MAGEA10: variants seen among roughly 807,000 people sequenced by gnomAD.
MAGEA10 encodes melanoma-associated antigen 10.
In MAGEA10, 7 loss-of-function variants were observed where a neutral mutation model predicts 8.6. The observed-to-expected ratio is 0.82, with a 90% confidence interval of 0.46 to 1.53. The LOEUF is 1.53. MAGEA10 is among the 40% of genes most tolerant of loss of function. The pLI is 0.01. For missense variants in MAGEA10, 293 were observed against 274.0 expected, an observed-to-expected ratio of 1.07 and a Z score of -0.49; for synonymous variants, 125 against 107.4, an observed-to-expected ratio of 1.16 and a Z score of -1.02.
At position 152,133,575 on chromosome X, in the gene MAGEA10, C is replaced by G. The variant is rs888866362; in HGVS notation, c.*936G>C. The G allele has an allele frequency of 5.4e-5, 6 of 111,326 alleles. No homozygotes were observed. Among genetic ancestry groups the G allele is most frequent in the African/African-American group, 9.8e-5 (3 of 30,597 alleles). The allele number at this position is 111,326 out of a possible 1,213,427, so 9.2% of individuals were successfully genotyped here. On this transcript the variant is annotated 3_prime_UTR_variant, in exon 4 of 4. Coordinates refer to ENST00000370323, the MANE Select transcript of MAGEA10 (RefSeq NM_021048.5). ...GTTTCTTAAACTGGATAAACAGAAACGAACGTGTGACCTTAGATTCTGAAG... is the reference window on the plus strand; with the variant it reads ...GTTTCTTAAACTGGATAAACAGAAAGGAACGTGTGACCTTAGATTCTGAAG...
chrX:152,133,865 G>C lies in MAGEA10; in HGVS notation c.*646C>G, dbSNP rs1169628427. 1 of 108,815 alleles carries C rather than the reference G, an allele frequency of 9.2e-6. No homozygotes were observed. Among genetic ancestry groups the C allele is most frequent in the Non-Finnish European group, 1.9e-5 (1 of 52,547 alleles). The allele number at this position is 108,815 out of a possible 1,213,427, so 9.0% of individuals were successfully genotyped here. On this transcript the variant is annotated 3_prime_UTR_variant, in exon 4 of 4. Transcript: ENST00000370323. ...GAGAATCGCTTGAACCCAGGAGGCG[G>C]AAGTTGCAGTGAGCCGAGACTGCAC...
rs1936646463 is a variant in MAGEA10 at position 152,135,298 on chromosome X, C to T, written c.323G>A (p.Gly108Asp). ...ACTCTCCTCCTTTTGGCTGCTGGAG[C>T]CCTCATCAGATTGATCTAATGGAAG... ...ASLPLDQSDE[G>D]SSSQKEESPS... is the part of the protein sequence containing the mutation. Residue 108 changes from glycine to aspartate, a missense_variant, in exon 4 of 4, where the codon GGC becomes GAC. By Grantham distance (94) the Gly-to-Asp change is moderately conservative. Transcript: ENST00000370323. 1 of 1,210,949 alleles carries T rather than the reference C, an allele frequency of 8.3e-7. No homozygotes were observed. The highest frequency in any genetic ancestry group is 2.3e-4 in the Middle Eastern group (1 of 4,353).
In MAGEA10 at chrX:152,136,550, C is replaced by T. The variant is rs1200297658; in HGVS notation, c.-140+321G>A. On this transcript the variant is annotated intron_variant, in intron 2 of 3. Coordinates refer to ENST00000370323, the MANE Select transcript of MAGEA10 (RefSeq NM_021048.5). Reference sequence around the variant, plus strand: ...GAAGTGAGGGGAGTCCATCTACCCCCAGTTCCCCATGAATTCCCGTGGCTG... The same window carrying T: ...GAAGTGAGGGGAGTCCATCTACCCCTAGTTCCCCATGAATTCCCGTGGCTG... Among the ~76,000 whole-genome samples, 3 of 110,910 alleles carry T rather than the reference C, an allele frequency of 2.7e-5. No homozygotes were observed. The Admixed American group carries it at 2.9e-4, about 11-fold the overall frequency.
rs73241867 is a variant in MAGEA10 at position 152,136,682 on chromosome X, G to A, written c.-140+189C>T. Among the ~76,000 whole-genome samples, 732 of 110,967 alleles carry A rather than the reference G, an allele frequency of 6.6e-3. 1 individual carries two copies. Among genetic ancestry groups the A allele is most frequent in the Non-Finnish European group, 0.011 (598 of 52,829 alleles). On this transcript the variant is annotated intron_variant, in intron 2 of 3. Coordinates refer to ENST00000370323, the MANE Select transcript of MAGEA10 (RefSeq NM_021048.5). The stretch of plus-strand genomic sequence containing the variant: ...TCTGGGACCCTCCCTCTGCTGACCC[G>A]AGTGCAGCTCCCTTAGACCAACACC...
chrX:152,138,098 G>C (rs895692141), intron 1 of MAGEA10, among the ~76,000 whole-genome samples: 3 of 110,466 alleles, frequency 2.7e-5, no homozygotes, highest in Non-Finnish European at 3.8e-5. Flanking sequence ...CGCATTCTTG[G>C]TACCAATATC....
At position 152,134,960 on chromosome X, in the gene MAGEA10, T is replaced by C; in HGVS notation, c.661A>G (p.Met221Val). ...YDGMLSDVQS[M>V]PKTGILILIL... ...AGTATGAGAATGCCAGTCTTGGGCA[T>C]GCTCTGGACATCACTCAGCATCCCA... The change falls in exon 4 of 4, where the codon ATG becomes GTG. Residue 221 changes from methionine (M) to valine (V), a missense_variant. Physicochemically the swap from Met to Val is conservative, Grantham distance 21. Transcript: ENST00000370323. 1 of 1,211,488 alleles carries C rather than the reference T, an allele frequency of 8.3e-7. No individual in the cohort carries two copies. Among genetic ancestry groups the C allele is most frequent in the Non-Finnish European group, 1.1e-6 (1 of 895,415 alleles).
At chrX:152,138,285 C>T (rs1936723668) in intron 1 of MAGEA10, among the ~76,000 whole-genome samples, 190 bp downstream of exon 1, 1 of 97,310 alleles carries the variant, frequency 1.0e-5, no homozygotes, top group Admixed American at 1.2e-4. Context: ...TCACACCAAG[C>T]TCTGACTCCC....
rs1199853077 is a variant in MAGEA10, at chrX:152,135,562, C to G, written c.59G>C (p.Ser20Thr). Residue 20 changes from serine to threonine, a missense_variant, in exon 4 of 4, where the codon AGT (serine) becomes ACT (threonine). By Grantham distance (58) the Ser-to-Thr change is moderately conservative. Coordinates refer to ENST00000370323, the MANE Select transcript of MAGEA10 (RefSeq NM_021048.5). ...CMPEEDLQSQ[S>T]ETQGLEGAQA... ...TGCACCCTCGAGGCCCTGTGTCTCA[C>G]TTTGGGATTGAAGATCTTCTTCAGG... is the stretch of plus-strand genomic sequence containing the variant. 10 of 1,148,808 alleles carry G rather than the reference C, an allele frequency of 8.7e-6. No individual in the cohort carries two copies. In the Admixed American group the frequency reaches 2.9e-4, roughly 33 times the overall value. The allele number at this position is 1,148,808 out of a possible 1,213,427, so 94.7% of individuals were successfully genotyped here. A position where few individuals can be genotyped will look rare whatever the true frequency, so the allele number is the denominator to read the frequency against.
At position 152,134,804 on chromosome X, in the gene MAGEA10, G is replaced by T. The variant is rs765431558; in HGVS notation, c.817C>A (p.Gln273Lys). Residue 273 changes from glutamine (Q) to lysine (K), a missense_variant, in exon 4 of 4, where the codon CAA becomes AAA. By Grantham distance (53) the Gln-to-Lys change is moderately conservative (BLOSUM62 1). Transcript: ENST00000370323. ...IYGEPRKLLT[Q>K]DWVQENYLEY... is the part of the protein sequence containing the mutation. ...AGGTAGTTTTCCTGCACCCAATCTTGGGTGAGCAGCTTCCTGGGCTCCCCA... is the reference window on the plus strand; with the variant it reads ...AGGTAGTTTTCCTGCACCCAATCTTTGGTGAGCAGCTTCCTGGGCTCCCCA... 2.5e-6 allele frequency: 3 copies of T among 1,211,693 alleles called. No homozygotes were observed. Among genetic ancestry groups the T allele is most frequent in the African/African-American group, 3.5e-5 (2 of 57,757 alleles).
Position 152,135,669 on chromosome X carries a change from G to A in MAGEA10, c.-49C>T, listed in dbSNP as rs199683050. 1.8e-4 allele frequency: 195 copies of A among 1,071,576 alleles called. No individual in the cohort carries two copies. Among genetic ancestry groups the A allele is most frequent in the Non-Finnish European group, 2.3e-4 (183 of 811,105 alleles). The allele number at this position is 1,071,576 out of a possible 1,213,427, so 88.3% of individuals were successfully genotyped here. A position where few individuals can be genotyped will look rare whatever the true frequency, so the allele number is the denominator to read the frequency against. On this transcript the variant is annotated 5_prime_UTR_variant, in exon 4 of 4. Transcript: ENST00000370323. ...GTGGGAGTGTGGGCAGGACTTGGGC[G>A]ATGGGGACCCACAGGCCTGGGGAGA...
In MAGEA10 at chrX:152,133,441, A is replaced by AT. The variant is rs968990267; in HGVS notation, c.*1069dup. 1.3e-4 allele frequency: 15 copies of AT among 112,210 alleles called. No individual in the cohort carries two copies. Among genetic ancestry groups the AT allele is most frequent in the African/African-American group, 4.5e-4 (14 of 30,853 alleles). 9.2% of individuals were successfully genotyped at this position (112,210 alleles called of 1,213,427 possible). A position where few individuals can be genotyped will look rare whatever the true frequency, so the allele number is the denominator to read the frequency against. ...TTAAAATTATTTTCTCTATTTTACT[A>AT]TTTTTTTCATATTTCCAAGAAAATT... On this transcript the variant is annotated 3_prime_UTR_variant, in exon 4 of 4. Coordinates refer to ENST00000370323, the MANE Select transcript of MAGEA10 (RefSeq NM_021048.5).
chrX:152,135,462 G>A lies in MAGEA10; in HGVS notation c.159C>T (p.Pro53=). The change falls in exon 4 of 4, where the codon CCC becomes CCT. Residue 53 remains proline (P), a synonymous_variant. Coordinates refer to ENST00000370323, the MANE Select transcript of MAGEA10 (RefSeq NM_021048.5). The part of the protein sequence containing the change: ...STSSSFPSSF[P]SSSSSSSSSC... Reference sequence around the variant, plus strand: ...AGGAGGAGGAGGAAGAGGAGGAGGAGGGAAAAGAGGATGGAAAAGAGGAGC... The same window carrying A: ...AGGAGGAGGAGGAAGAGGAGGAGGAAGGAAAAGAGGATGGAAAAGAGGAGC... 1 of 1,198,755 alleles carries A rather than the reference G, an allele frequency of 8.3e-7. No homozygotes were observed. Among genetic ancestry groups the A allele is most frequent in the South Asian group, 1.9e-5 (1 of 54,028 alleles).
chrX:152,135,343 G>C lies in MAGEA10; in HGVS notation c.278C>G (p.Ser93Cys). The change falls in exon 4 of 4, where the codon TCC (serine) becomes TGC (cysteine). Residue 93 changes from serine to cysteine, a missense_variant. Transcript: ENST00000370323. ...TGGAAGGGAAGCAACGACCGAGGGG[G>C]AGGAGCAGGCTATCTGAGCACTCTG... The part of the protein sequence containing the change: ...PPQSAQIACS[S>C]PSVVASLPLD... 8.3e-7 allele frequency: 1 copy of C among 1,210,633 alleles called. No homozygotes were observed. Among genetic ancestry groups the C allele is most frequent in the Non-Finnish European group, 1.1e-6 (1 of 895,062 alleles).
rs1271243010 is a variant in MAGEA10 at position 152,134,071 on chromosome X, A to C, written c.*440T>G. On this transcript the variant is annotated 3_prime_UTR_variant, in exon 4 of 4. Coordinates refer to ENST00000370323, the MANE Select transcript of MAGEA10 (RefSeq NM_021048.5). Reference sequence around the variant, plus strand: ...CTCAGCCTCAGCCTGGCCCTCCACCACATACATCATTGATTTCCATTCTCA... The same window carrying C: ...CTCAGCCTCAGCCTGGCCCTCCACCCCATACATCATTGATTTCCATTCTCA... 8.4e-6 allele frequency: 1 copy of C among 119,527 alleles called. No individual in the cohort carries two copies. The highest frequency in any genetic ancestry group is 1.7e-5 in the Non-Finnish European group (1 of 58,250). 9.9% of individuals were successfully genotyped at this position (119,527 alleles called of 1,213,427 possible). A position where few individuals can be genotyped will look rare whatever the true frequency, so the allele number is the denominator to read the frequency against.
At chrX:152,137,559 C>T (rs1041073289) in intron 1 of MAGEA10, among the ~76,000 whole-genome samples, 2 of 109,611 alleles carry the variant, frequency 1.8e-5, no homozygotes, top group Non-Finnish European at 3.8e-5. Context: ...GGGTCTTGCA[C>T]GCCAAAGCCA....
rs1936632308 is a variant in MAGEA10 at position 152,134,879 on chromosome X, C to T, written c.742G>A (p.Glu248Lys). ...TACAGCCCCATCATATTCAGTGCTT[C>T]CCAGATGACCTCCTCAGGGGTGCAG... ...GYCTPEEVIWEALNMMGLYDG... is the reference protein window; with the variant it reads ...GYCTPEEVIWKALNMMGLYDG... Residue 248 changes from glutamate to lysine, a missense_variant, in exon 4 of 4, where the codon GAA (glutamate) becomes AAA (lysine). By Grantham distance (56) the Glu-to-Lys change is moderately conservative. Coordinates refer to ENST00000370323, the MANE Select transcript of MAGEA10 (RefSeq NM_021048.5). 1.7e-6 allele frequency: 2 copies of T among 1,211,317 alleles called. No individual in the cohort carries two copies. The highest frequency in any genetic ancestry group is 2.2e-6 in the Non-Finnish European group (2 of 895,345).
Position 152,135,662 on chromosome X carries a change from C to T in MAGEA10, c.-42G>A, listed in dbSNP as rs749763998. 1 of 1,097,566 alleles carries T rather than the reference C, an allele frequency of 9.1e-7. No individual in the cohort carries two copies. The highest frequency in any genetic ancestry group is 3.1e-5 in the Admixed American group (1 of 32,414). 90.5% of individuals were successfully genotyped at this position (1,097,566 alleles called of 1,213,427 possible). On this transcript the variant is annotated 5_prime_UTR_variant, in exon 4 of 4. Coordinates refer to ENST00000370323, the MANE Select transcript of MAGEA10 (RefSeq NM_021048.5). ...GTAGCAGGTGGGAGTGTGGGCAGGA[C>T]TTGGGCGATGGGGACCCACAGGCCT...
Position 152,135,272 on chromosome X carries a change from G to A in MAGEA10, c.349C>T (p.Pro117Ser). The A allele has an allele frequency of 8.3e-7, 1 of 1,211,178 alleles. No homozygotes were observed. The highest frequency in any genetic ancestry group is 1.1e-6 in the Non-Finnish European group (1 of 895,298). ...EGSSSQKEES[P>S]STLQVLPDSE... ...TCTGGCAGGACCTGTAGGGTGCTTGGACTCTCCTCCTTTTGGCTGCTGGAG... is the reference window on the plus strand; with the variant it reads ...TCTGGCAGGACCTGTAGGGTGCTTGAACTCTCCTCCTTTTGGCTGCTGGAG... Residue 117 changes from proline (P) to serine (S), a missense_variant, in exon 4 of 4, where the codon CCA becomes TCA. Pro to Ser is a moderately conservative substitution (Grantham distance 74, BLOSUM62 -1). Coordinates refer to ENST00000370323, the MANE Select transcript of MAGEA10 (RefSeq NM_021048.5).
At chrX:152,136,088 A>C (rs1463745482) in intron 2 of MAGEA10, 4 of 113,041 alleles carry the variant, frequency 3.5e-5, no homozygotes, top group Admixed American at 2.8e-4. Context: ...CTCCTGAAAG[A>C]GGAATTGAGG....
Sources: allele counts gnomAD v4.1 joint callset (sites outside exome capture counted in the v4.1 genomes callset), GRCh38; gene constraint gnomAD v4.1.1; transcripts MANE v1.5; gene names NCBI Gene and HGNC (gene_info 2026-07-23, HGNC 2026-07-21).